ELMO2: variants seen among roughly 807,000 people sequenced by gnomAD.
ELMO2 encodes the protein engulfment and cell motility 2, also known as engulfment and cell motility protein 2.
In ELMO2, 37 loss-of-function variants were observed where a neutral mutation model predicts 96.2. That is an observed-to-expected ratio of 0.38 (90% CI 0.30 to 0.51). ELMO2 has a LOEUF of 0.51. Ranked by LOEUF, ELMO2 falls within the 20% of genes least tolerant of loss-of-function variation. The probability of loss-of-function intolerance (pLI) is 0.88; values close to 1 mark genes in which losing one functional copy is unlikely to be tolerated. For missense variants in ELMO2, 561 were observed against 912.6 expected (o/e 0.61, Z 4.96); for synonymous variants, 315 against 329.4 (o/e 0.96, Z 0.47).
chr20:46,405,422 G>C (rs143223197), intron 1 of ELMO2, among the ~76,000 whole-genome samples: 19 of 152,304 alleles, frequency 1.2e-4, no homozygotes, highest in African/African-American at 3.9e-4. Flanking sequence ...GATGTAGAAG[G>C]AACAGAAAGA....
In ELMO2 at chr20:46,383,396, G is replaced by A. The variant is rs780698541; in HGVS notation, c.756+20C>T. On this transcript the variant is annotated intron_variant, in intron 10 of 21. Transcript: ENST00000290246. ...TCTCAGAAGAGCCCAGATGAAAAAT[G>A]TGAAAAGGCAGCCACAGACCTGTCG... 2 of 1,611,404 alleles carry A rather than the reference G, an allele frequency of 1.2e-6. No homozygotes were observed. Among genetic ancestry groups the A allele is most frequent in the East Asian group, 4.5e-5 (2 of 44,874 alleles).
At chr20:46,369,999 TG>T (rs1277180796) in intron 20 of ELMO2, 1 of 342,428 alleles carries the variant, frequency 2.9e-6, no homozygotes, top group African/African-American at 2.2e-5. Context: ...TGTGTGTGTG[TG>T]TGTGTATCCA....
chr20:46,395,552 G>A (rs1011710882), intron 2 of ELMO2, among the ~76,000 whole-genome samples: 9 of 152,290 alleles, frequency 5.9e-5, no homozygotes, highest in South Asian at 2.1e-4. Flanking sequence ...CTCTCCTGGC[G>A]TACAAAGCAT....
At chr20:46,400,851 C>T (rs1159710913) in intron 1 of ELMO2, among the ~76,000 whole-genome samples, 1 of 152,198 alleles carries the variant, frequency 6.6e-6, no homozygotes, top group South Asian at 2.1e-4. Context: ...CCCCATGGAG[C>T]TTTATCAATC....
chr20:46,398,251 G>A (rs2060279555), intron 2 of ELMO2, among the ~76,000 whole-genome samples: 1 of 151,952 alleles, frequency 6.6e-6, no homozygotes, highest in Admixed American at 6.6e-5. Context: ...TCGGTTATAT[G>A]GTAACTTCAT....
intron 1 of ELMO2, among the ~76,000 whole-genome samples, chr20:46,400,277 G>A (rs1419374809): frequency 6.6e-6 from 1 of 152,174 alleles, no homozygotes; most frequent in Non-Finnish European, 1.5e-5. Context: ...TCTCCCTATC[G>A]AAAAGAAACA....
intron 19 of ELMO2, among the ~76,000 whole-genome samples, chr20:46,370,842 C>T (rs1453070108): frequency 3.9e-5 from 6 of 152,098 alleles, no homozygotes; most frequent in Admixed American, 1.3e-4. Context: ...ACAATAATGG[C>T]GATGATGATG....
At position 46,375,130 on chromosome 20, in the gene ELMO2, T is replaced by C. The variant is rs1420790127; in HGVS notation, c.1065+106A>G. 9.0e-6 allele frequency: 13 copies of C among 1,445,476 alleles called. No individual in the cohort carries two copies. The highest frequency in any genetic ancestry group is 1.2e-5 in the Non-Finnish European group (13 of 1,073,540). 89.5% of individuals were successfully genotyped at this position (1,445,476 alleles called of 1,614,324 possible). ...CCACCAGCTTCCTAACTGTCATCTA[T>C]TCCAGGGCCACCATGGGGTTGGTTG... On this transcript the variant is annotated intron_variant, in intron 13 of 21. Coordinates refer to ENST00000290246, the MANE Select transcript of ELMO2 (RefSeq NM_133171.5). The surrounding 1 kb of genome is among the most constrained non-coding windows in gnomAD (Gnocchi z 4.6).
chr20:46,374,170 G>A (rs1384867492), intron 15 of ELMO2, among the ~76,000 whole-genome samples, 162 bp downstream of exon 15: 1 of 144,582 alleles, frequency 6.9e-6, no homozygotes, highest in Non-Finnish European at 1.5e-5. Flanking sequence ...TTGGACTCCT[G>A]GGCTCAAGTG....
rs1002445999 is a variant in ELMO2, at chr20:46,386,034, G to A, written c.677+90C>T. 6.3e-6 allele frequency: 9 copies of A among 1,437,224 alleles called. No homozygotes were observed. The African/African-American group carries it at 1.3e-4, about 20-fold the overall frequency. 89.0% of individuals were successfully genotyped at this position (1,437,224 alleles called of 1,614,324 possible). A position where few individuals can be genotyped will look rare whatever the true frequency, so the allele number is the denominator to read the frequency against. ...AGCCAACCAACAGCTTGGAATATAAGCAAAGGAGAGTAGGATTGGAAGACT... is the reference window on the plus strand; with the variant it reads ...AGCCAACCAACAGCTTGGAATATAAACAAAGGAGAGTAGGATTGGAAGACT... On this transcript the variant is annotated intron_variant, in intron 9 of 21. Coordinates refer to ENST00000290246, the MANE Select transcript of ELMO2 (RefSeq NM_133171.5).
At chr20:46,397,173 T>C (rs1227863541) in intron 2 of ELMO2, among the ~76,000 whole-genome samples, 1 of 152,200 alleles carries the variant, frequency 6.6e-6, no homozygotes, top group Non-Finnish European at 1.5e-5. Context: ...TTCGTATACA[T>C]TTTAAAGCAT....
chr20:46,381,679 T>A (rs557461954), intron 10 of ELMO2, among the ~76,000 whole-genome samples: 1 of 152,076 alleles, frequency 6.6e-6, no homozygotes, highest in African/African-American at 2.4e-5. Context: ...ACCAAAAGCT[T>A]CTCTGTGGTG....
chr20:46,377,324 T>A (rs775237875), intron 11 of ELMO2, among the ~76,000 whole-genome samples: 17 of 152,236 alleles, frequency 1.1e-4, no homozygotes, highest in Non-Finnish European at 2.4e-4. Context: ...ATGGGCTGAA[T>A]AAAATATATT....
rs147109510 is a variant in ELMO2, at chr20:46,379,926, G to C, written c.807+327C>G. The C allele has an allele frequency of 9.6e-4, 215 of 222,948 alleles. 1 individual carries two copies. The highest frequency in any genetic ancestry group is 1.5e-3 in the Non-Finnish European group (170 of 110,082). 13.8% of individuals were successfully genotyped at this position (222,948 alleles called of 1,614,324 possible). A position where few individuals can be genotyped will look rare whatever the true frequency, so the allele number is the denominator to read the frequency against. ...CAATTCAGATTTTTAATCAGTGTCAGTTGGATGAGTTATTTTCCCCCTTTG... is the reference window on the plus strand; with the variant it reads ...CAATTCAGATTTTTAATCAGTGTCACTTGGATGAGTTATTTTCCCCCTTTG... On this transcript the variant is annotated intron_variant, in intron 11 of 21. Transcript: ENST00000290246.
rs765482905 is a variant in ELMO2 at position 46,368,888 on chromosome 20, C to A, written c.1962+3G>T. 7 of 1,614,156 alleles carry A rather than the reference C, an allele frequency of 4.3e-6. No homozygotes were observed. In the East Asian group the frequency reaches 1.3e-4, roughly 31 times the overall value. The stretch of plus-strand genomic sequence containing the variant: ...TTGTCTAAGGCAGCGCCACACTGCT[C>A]ACCTCATATTTATTAGGTGCGATGA... On this transcript the variant is annotated splice_donor_region_variant and intron_variant, in intron 21 of 21. Transcript: ENST00000290246.
chr20:46,389,539 A>G (rs2060113950), intron 6 of ELMO2, among the ~76,000 whole-genome samples: 1 of 152,180 alleles, frequency 6.6e-6, no homozygotes, highest in Admixed American at 6.5e-5. Context: ...ATACTGGTTT[A>G]ATAGAGGAAG....
chr20:46,367,578 C>G lies in ELMO2; in HGVS notation c.1963-18G>C, dbSNP rs545714537. The G allele has an allele frequency of 1.3e-6, 2 of 1,585,464 alleles. No individual in the cohort carries two copies. The highest frequency in any genetic ancestry group is 4.6e-5 in the East Asian group (2 of 43,552). ...ATGCAGTACTGTGGGGAGCAAGTTG[C>G]AAAATGTCACATCGTGACCCCTGGT... is the stretch of plus-strand genomic sequence containing the variant. On this transcript the variant is annotated intron_variant, in intron 21 of 21. Transcript: ENST00000290246.
chr20:46,399,803 T>G (rs191075347), intron 1 of ELMO2, among the ~76,000 whole-genome samples: 43 of 152,326 alleles, frequency 2.8e-4, no homozygotes, highest in Admixed American at 2.7e-3. Context: ...GCATGAACTG[T>G]GCAGGCTGTC....
At chr20:46,368,338 G>A (rs1031259280) in intron 21 of ELMO2, among the ~76,000 whole-genome samples, 1 of 151,972 alleles carries the variant, frequency 6.6e-6, no homozygotes, top group Non-Finnish European at 1.5e-5. Flanking sequence ...TGCTGCAGAT[G>A]GAACTACAGG....
Sources: gnomAD v4.1 joint callset for allele counts (sites outside exome capture counted in the v4.1 genomes callset) on GRCh38, gnomAD v4.1.1 for gene constraint, Gnocchi (gnomAD v3.1) non-coding constraint, MANE v1.5 for transcripts, NCBI Gene and HGNC (gene_info 2026-07-23, HGNC 2026-07-21) for gene names.